The following AOPEP variants were observed in gnomAD, a reference collection of about 807,000 sequenced individuals.
AOPEP encodes the protein aminopeptidase O.
A neutral mutation model predicts 98.1 loss-of-function variants in AOPEP; 77 were observed. That is an observed-to-expected ratio of 0.78 (90% CI 0.65 to 0.95). AOPEP has a LOEUF of 0.95. Among genes scored for constraint, AOPEP ranks in the 40% least tolerant of loss-of-function variants. AOPEP has a pLI of 0.00. For synonymous variants in AOPEP, 346 were observed against 365.3 expected, an observed-to-expected ratio of 0.95 and a Z score of 0.60; for missense variants, 1,024 against 1,024.7, an observed-to-expected ratio of 1.00 and a Z score of 0.01.
chr9:95,116,167 CACTA>C, the AOPEP span, among the ~76,000 whole-genome samples: 1 of 152,252 alleles, frequency 6.6e-6, no homozygotes, highest in African/African-American at 2.4e-5. Context: ...CAAACTGAGA[CACTA>C]ACAACTCCAG....
At chr9:94,790,507 T>C (rs746709236) in intron 3 of AOPEP, among the ~76,000 whole-genome samples, 10 of 152,128 alleles carry the variant, frequency 6.6e-5, no homozygotes, top group Non-Finnish European at 1.3e-4. Flanking sequence ...AGAGTGGCCC[T>C]TCTGGTTCCA....
chr9:94,804,059 T>C (rs182984025), intron 5 of AOPEP, among the ~76,000 whole-genome samples: 170 of 152,364 alleles, frequency 1.1e-3, no homozygotes, highest in African/African-American at 3.8e-3. Flanking sequence ...CTGTTTTCAT[T>C]GTGTCCTCGT....
At chr9:95,072,146 G>A (rs1184129149) in intron 14 of AOPEP, among the ~76,000 whole-genome samples, 2 of 152,240 alleles carry the variant, frequency 1.3e-5, no homozygotes, top group African/African-American at 4.8e-5. Context: ...GCAAGGATCA[G>A]CCAACCCCAG....
chr9:94,843,164 G>A (rs889487894), intron 5 of AOPEP, among the ~76,000 whole-genome samples: 6 of 152,106 alleles, frequency 3.9e-5, no homozygotes, highest in African/African-American at 7.2e-5. Context: ...CAGCAGAAAC[G>A]CTGATCTCTC....
chr9:94,837,367 AATACAAAAAAAGAGGGAATCC>A (rs1366481561), intron 5 of AOPEP, among the ~76,000 whole-genome samples: 1 of 152,224 alleles, frequency 6.6e-6, no homozygotes, highest in Admixed American at 6.5e-5. Flanking sequence ...ATTATTCCAC[AATACAAAAAAAGAGGGAATCC>A]TCTCTGCATG....
At chr9:94,947,206 C>T (rs546802224) in intron 7 of AOPEP, among the ~76,000 whole-genome samples, 2 of 151,944 alleles carry the variant, frequency 1.3e-5, no homozygotes, top group Admixed American at 6.6e-5. Flanking sequence ...TGGTCTCAAT[C>T]ACCTGACCTC....
At chr9:95,117,358 G>GT in the AOPEP span, 1 of 1,614,090 alleles carries the variant, frequency 6.2e-7, no homozygotes, top group Non-Finnish European at 8.5e-7. Context: ...ATGGAGAAGT[G>GT]TAAGGAAAGT....
intron 11 of AOPEP, among the ~76,000 whole-genome samples, chr9:94,983,305 G>A (rs551285963): frequency 2.6e-5 from 4 of 152,130 alleles, no homozygotes; most frequent in African/African-American, 9.7e-5. Context: ...TTACAGATGC[G>A]AGCCAGCCAG....
intron 3 of AOPEP, among the ~76,000 whole-genome samples, chr9:94,787,383 C>G (rs2133318362): frequency 6.6e-6 from 1 of 152,310 alleles, no homozygotes; most frequent in Non-Finnish European, 1.5e-5. Context: ...GTGCAGGGAT[C>G]TAACAAATAC....
At chr9:95,047,519 C>G (rs1391389844) in intron 13 of AOPEP, among the ~76,000 whole-genome samples, 1 of 152,166 alleles carries the variant, frequency 6.6e-6, no homozygotes, top group Non-Finnish European at 1.5e-5. Context: ...ACATGCAGAA[C>G]TTGTGAATGG....
intron 1 of AOPEP, among the ~76,000 whole-genome samples, chr9:94,749,685 G>A (rs1043644646): frequency 6.6e-6 from 1 of 152,088 alleles, no homozygotes; most frequent in Non-Finnish European, 1.5e-5. Flanking sequence ...CTCAAATATA[G>A]TATTTTTCAG....
At chr9:94,787,215 T>G (rs916192161) in intron 3 of AOPEP, among the ~76,000 whole-genome samples, 2 of 152,164 alleles carry the variant, frequency 1.3e-5, no homozygotes, top group African/African-American at 4.8e-5. Context: ...CATTTACGGT[T>G]TCTGACTTTT....
At chr9:95,039,111 A>G (rs1479697568) in intron 13 of AOPEP, among the ~76,000 whole-genome samples, 2 of 152,196 alleles carry the variant, frequency 1.3e-5, no homozygotes, top group Non-Finnish European at 2.9e-5. Context: ...CATGTGTTCA[A>G]TGTCTTTAAA....
At chr9:94,814,737 G>T (rs977512789) in intron 5 of AOPEP, among the ~76,000 whole-genome samples, 2 of 152,170 alleles carry the variant, frequency 1.3e-5, no homozygotes, top group Admixed American at 1.3e-4. Flanking sequence ...GCATCCTTAA[G>T]ATCTAATACT....
chr9:94,766,414 G>A (rs966336805), intron 2 of AOPEP, among the ~76,000 whole-genome samples: 5 of 152,192 alleles, frequency 3.3e-5, no homozygotes, highest in Admixed American at 6.5e-5. Context: ...GCGGGCGCCC[G>A]TTGTCCCAGC....
At chr9:95,006,267 T>A (rs1020442046) in intron 13 of AOPEP, 1 of 343,766 alleles carries the variant, frequency 2.9e-6, no homozygotes. Context: ...TAAAAGTGAA[T>A]AATTTTTTGA....
intron 5 of AOPEP, among the ~76,000 whole-genome samples, chr9:94,810,416 G>A (rs1378597040): frequency 6.6e-6 from 1 of 151,246 alleles, no homozygotes; most frequent in Non-Finnish European, 1.5e-5. Context: ...CCAGGTTCAA[G>A]CGATTCTCCT....
intron 11 of AOPEP, among the ~76,000 whole-genome samples, chr9:94,985,998 A>G (rs1246634489): frequency 1.3e-5 from 2 of 152,138 alleles, no homozygotes; most frequent in Non-Finnish European, 2.9e-5. Flanking sequence ...AATTTCCTTT[A>G]TTTTTGGCAT....
chr9:94,781,693 T>C (rs2133161427), intron 3 of AOPEP, among the ~76,000 whole-genome samples: 1 of 151,356 alleles, frequency 6.6e-6, no homozygotes, highest in East Asian at 2.0e-4. Flanking sequence ...CCCGAGTAGC[T>C]GGGACTACAG....
Sources: allele counts gnomAD v4.1 joint callset (sites outside exome capture counted in the v4.1 genomes callset), GRCh38; gene constraint gnomAD v4.1.1; transcripts MANE v1.5; gene names NCBI Gene and HGNC (gene_info 2026-07-23, HGNC 2026-07-21).